NTRK1: variants seen among roughly 807,000 people sequenced by gnomAD.
The protein encoded by NTRK1 is high affinity nerve growth factor receptor.
Under a neutral mutation model 86.8 loss-of-function variants are expected in NTRK1, and 62 were observed. That is an observed-to-expected ratio of 0.71 (90% CI 0.58 to 0.88). The LOEUF (loss-of-function observed/expected upper bound fraction) is 0.88, where lower values mean the gene tolerates loss of function less well. Among genes scored for constraint, NTRK1 ranks in the 40% least tolerant of loss-of-function variants. NTRK1 has a pLI of 0.00. For missense variants in NTRK1, 967 were observed against 1,078.4 expected, an observed-to-expected ratio of 0.90 and a Z score of 1.45; for synonymous variants, 469 against 456.6, an observed-to-expected ratio of 1.03 and a Z score of -0.35.
chr1:156,835,398 C>T (rs1297290847), intron 1 of NTRK1, among the ~76,000 whole-genome samples: 1 of 151,958 alleles, frequency 6.6e-6, no homozygotes, highest in Admixed American at 6.5e-5. Context: ...GCTCTGTGCA[C>T]TCATCCTGAG....
intron 2 of NTRK1, chr1:156,844,199 A>G: frequency 6.2e-7 from 1 of 1,613,858 alleles, no homozygotes; most frequent in South Asian, 1.1e-5. Flanking sequence ...GAAGAAACCA[A>G]GGGCAGCAAG....
chr1:156,873,187 C>T (rs1163361725), intron 7 of NTRK1, among the ~76,000 whole-genome samples: 1 of 152,048 alleles, frequency 6.6e-6, no homozygotes, highest in Non-Finnish European at 1.5e-5. Flanking sequence ...GCTGGGATTA[C>T]AGGAGCAAGT....
chr1:156,839,208 C>T (rs953903145), intron 1 of NTRK1, among the ~76,000 whole-genome samples: 38 of 152,238 alleles, frequency 2.5e-4, no homozygotes, highest in African/African-American at 8.9e-4. Flanking sequence ...CACGCAGACT[C>T]GTGCCCACTC....
chr1:156,833,557 C>CA (rs72354744), intron 1 of NTRK1, among the ~76,000 whole-genome samples: 84,375 of 147,730 alleles, frequency 0.57, 25,538 homozygotes, highest in East Asian at 0.79. Flanking sequence ...GACTCCGTCT[C>CA]AAAAAATAAA....
intron 2 of NTRK1, chr1:156,849,383 G>A (rs377336783): frequency 6.2e-7 from 1 of 1,613,842 alleles, no homozygotes; most frequent in Non-Finnish European, 8.5e-7. Context: ...CTTGCCCACG[G>A]GAATGGTGAG....
intron 2 of NTRK1, among the ~76,000 whole-genome samples, chr1:156,849,844 C>T (rs544495210): frequency 9.2e-5 from 14 of 151,846 alleles, no homozygotes; most frequent in Non-Finnish European, 1.8e-4. Flanking sequence ...TGGACACTCT[C>T]GGTGTACATG....
intron 7 of NTRK1, among the ~76,000 whole-genome samples, chr1:156,872,210 A>T (rs1198913965): frequency 2.0e-5 from 3 of 152,190 alleles, no homozygotes; most frequent in Admixed American, 1.3e-4. Context: ...TTATTGTGAA[A>T]TATACATAGA....
At chr1:156,841,222 G>T in intron 1 of NTRK1, 1 of 985,230 alleles carries the variant, frequency 1.0e-6, no homozygotes, top group Non-Finnish European at 1.6e-6. Context: ...GCCTGGGAGG[G>T]TGAGAAGGGA....
upstream of NTRK1, among the ~76,000 whole-genome samples, chr1:156,856,772 T>C (rs1271209675): frequency 1.3e-5 from 2 of 152,130 alleles, no homozygotes; most frequent in Non-Finnish European, 2.9e-5. Flanking sequence ...CCATGGACAA[T>C]GGATGTCTGG....
At chr1:156,822,775 TA>T (rs1272824772) in intron 1 of NTRK1, among the ~76,000 whole-genome samples, 1 of 152,108 alleles carries the variant, frequency 6.6e-6, no homozygotes, top group Admixed American at 6.5e-5. Context: ...CCTTCGTTGC[TA>T]AAAGGTGTAG....
chr1:156,842,981 C>G (rs1654855104), intron 2 of NTRK1: 1 of 1,570,028 alleles, frequency 6.4e-7, no homozygotes, highest in African/African-American at 1.3e-5. Context: ...ATGACCCTGA[C>G]AATGCCCTTG....
chr1:156,872,102 A>C (rs1558103014), intron 7 of NTRK1, among the ~76,000 whole-genome samples: 1 of 152,132 alleles, frequency 6.6e-6, no homozygotes, highest in East Asian at 1.9e-4. Flanking sequence ...AAAAGAGGAA[A>C]TTCTCCTCCT....
chr1:156,851,929 G>C (rs1655225572), intron 2 of NTRK1: 3 of 1,598,818 alleles, frequency 1.9e-6, no homozygotes, highest in Non-Finnish European at 2.6e-6. Context: ...ACTGGGCCAG[G>C]CAACTGCCCT....
chr1:156,873,206 C>T (rs762450218), intron 7 of NTRK1, among the ~76,000 whole-genome samples: 4 of 152,070 alleles, frequency 2.6e-5, no homozygotes, highest in Non-Finnish European at 5.9e-5. Context: ...GTCACTGTGC[C>T]TGGCTTTTCC....
rs1311708647 is a variant in NTRK1, at chr1:156,875,560, C to T, written c.1395C>T (p.Ser465=). ...CTCCAGAGGATGGGCTGGCCATGTC[C>T]CTGCATTTCATGACATTGGGTGGCA... ...VLAPEDGLAM[S]LHFMTLGGSS... is the part of the protein sequence containing the mutation. Residue 465 remains serine (S), a synonymous_variant, in exon 12 of 17, where the codon TCC becomes TCT. Coordinates refer to ENST00000524377, the MANE Select transcript of NTRK1 (RefSeq NM_002529.4). The T allele has an allele frequency of 9.3e-6, 15 of 1,613,970 alleles. No homozygotes were observed. The South Asian group carries it at 1.2e-4, about 13-fold the overall frequency.
chr1:156,851,035 G>A, intron 2 of NTRK1: 1 of 517,910 alleles, frequency 1.9e-6, no homozygotes, highest in South Asian at 2.0e-5. Flanking sequence ...TATATACTGT[G>A]TTCCAGGCAT....
At chr1:156,840,601 T>A in intron 1 of NTRK1, 1 of 509,324 alleles carries the variant, frequency 2.0e-6, no homozygotes, top group Non-Finnish European at 3.6e-6. Context: ...GGTCCCTACC[T>A]CTGAGGGCAG....
intron 1 of NTRK1, among the ~76,000 whole-genome samples, chr1:156,832,325 T>C (rs1329584201): frequency 2.0e-5 from 3 of 152,250 alleles, no homozygotes; most frequent in African/African-American, 7.2e-5. Context: ...AAATGAGACA[T>C]GAGGGCAAGA....
At chr1:156,840,063 T>G (rs922816960) in intron 1 of NTRK1, 10 of 129,546 alleles carry the variant, frequency 7.7e-5, no homozygotes, top group African/African-American at 3.0e-4. Flanking sequence ...GGGACCAGGG[T>G]ACAAACAGGC....
Sources: gnomAD v4.1 joint callset for allele counts (sites outside exome capture counted in the v4.1 genomes callset) on GRCh38, gnomAD v4.1.1 for gene constraint, MANE v1.5 for transcripts, NCBI Gene and HGNC (gene_info 2026-07-23, HGNC 2026-07-21) for gene names.